The following FSTL5 variants were observed in gnomAD, a reference collection of about 807,000 sequenced individuals.
FSTL5 encodes the protein follistatin like 5, also known as follistatin-related protein 5.
Under a neutral mutation model 89.1 loss-of-function variants are expected in FSTL5, and 62 were observed. The observed-to-expected ratio is 0.70, with a 90% CI of 0.57 to 0.86. FSTL5 has a LOEUF of 0.86. FSTL5 is among the 40% of genes least tolerant of loss of function. The probability of loss-of-function intolerance (pLI) is 0.00; values close to 1 mark genes in which losing one functional copy is unlikely to be tolerated. For synonymous variants in FSTL5, 383 were observed against 346.2 expected (o/e 1.11, Z -1.18); for missense variants, 1,057 against 1,001.6 (o/e 1.06, Z -0.75).
At chr4:162,143,742 A>ACC (rs1385663064) in intron 1 of FSTL5, among the ~76,000 whole-genome samples, 1 of 24,966 alleles carries the variant, frequency 4.0e-5, no homozygotes, top group African/African-American at 1.0e-4. Flanking sequence ...ACACACACAC[A>ACC]CACACACCCA....
At chr4:161,769,196 T>A (rs551394946) in intron 5 of FSTL5, among the ~76,000 whole-genome samples, 18 of 152,080 alleles carry the variant, frequency 1.2e-4, no homozygotes, top group Admixed American at 1.2e-3. Context: ...GAAGCTGTAA[T>A]AAAAATTCCT....
intron 6 of FSTL5, among the ~76,000 whole-genome samples, chr4:161,741,698 T>TAA (rs34052963): frequency 6.9e-6 from 1 of 144,988 alleles, no homozygotes; most frequent in Non-Finnish European, 1.5e-5. Flanking sequence ...TTTTTTTTTT[T>TAA]TTTTTTGGAG....
At chr4:161,579,738 A>G (rs1733361613) in intron 8 of FSTL5, among the ~76,000 whole-genome samples, 1 of 105,180 alleles carries the variant, frequency 9.5e-6, no homozygotes, top group Non-Finnish European at 2.3e-5. Context: ...AAACAAAAAA[A>G]AAAAAAGAAA....
intron 4 of FSTL5, among the ~76,000 whole-genome samples, chr4:161,858,888 C>T (rs1171637849): frequency 6.6e-6 from 1 of 152,136 alleles, no homozygotes; most frequent in Non-Finnish European, 1.5e-5. Flanking sequence ...ATGTATCTTG[C>T]ATTCTCTGTG....
chr4:161,609,221 T>C (rs1342822937), intron 7 of FSTL5, among the ~76,000 whole-genome samples: 1 of 152,144 alleles, frequency 6.6e-6, no homozygotes, highest in Non-Finnish European at 1.5e-5. Flanking sequence ...AATTATAATG[T>C]CTTCTTGTTT....
At chr4:161,866,249 T>A (rs1660972485) in intron 4 of FSTL5, among the ~76,000 whole-genome samples, 1 of 152,194 alleles carries the variant, frequency 6.6e-6, no homozygotes, top group East Asian at 1.9e-4. Context: ...TTAATTTATT[T>A]TTATGAAACC....
chr4:162,111,502 C>A (rs1051966273), intron 1 of FSTL5, 90 bp from the exon 2 acceptor site: 1 of 989,808 alleles, frequency 1.0e-6, no homozygotes, highest in Non-Finnish European at 1.4e-6. Flanking sequence ...ACATATAAAT[C>A]TCCATTAATC....
At chr4:161,506,077 G>A (rs116506327) in intron 11 of FSTL5, among the ~76,000 whole-genome samples, 1,709 of 151,844 alleles carry the variant, frequency 0.011, 28 homozygotes, top group African/African-American at 0.038. Flanking sequence ...TATTTCTGAG[G>A]CAGGATATTG....
intron 6 of FSTL5, among the ~76,000 whole-genome samples, chr4:161,722,429 A>T (rs1333660525): frequency 6.6e-6 from 1 of 151,980 alleles, no homozygotes; most frequent in Non-Finnish European, 1.5e-5. Context: ...CACATTACTC[A>T]ATTTCAAATA....
intron 5 of FSTL5, among the ~76,000 whole-genome samples, chr4:161,765,690 A>G (rs548452926): frequency 6.6e-6 from 1 of 152,316 alleles, no homozygotes; most frequent in African/African-American, 2.4e-5. Flanking sequence ...TTTTAAGTCA[A>G]ATACGTATAA....
At chr4:161,723,095 G>A (rs553094339) in intron 6 of FSTL5, among the ~76,000 whole-genome samples, 1 of 152,222 alleles carries the variant, frequency 6.6e-6, no homozygotes, top group African/African-American at 2.4e-5. Flanking sequence ...TATAATTAAT[G>A]TGCACATTTA....
chr4:161,751,169 G>A (rs924205804), intron 6 of FSTL5, among the ~76,000 whole-genome samples: 18 of 152,170 alleles, frequency 1.2e-4, no homozygotes, highest in African/African-American at 3.9e-4. Context: ...TTACAAATGG[G>A]ACATTAAAGG....
intron 1 of FSTL5, among the ~76,000 whole-genome samples, chr4:162,144,017 A>G (rs1303080090): frequency 6.6e-6 from 1 of 152,154 alleles, no homozygotes; most frequent in Non-Finnish European, 1.5e-5. Flanking sequence ...GTGATGGCCC[A>G]AGTAAAGAGC....
At chr4:161,899,820 T>A (rs1429661252) in intron 4 of FSTL5, among the ~76,000 whole-genome samples, 1 of 152,180 alleles carries the variant, frequency 6.6e-6, no homozygotes, top group East Asian at 1.9e-4. Context: ...ACAGATTGTA[T>A]TTAGTGAACA....
At chr4:161,944,210 T>TA (rs1455339320) in intron 3 of FSTL5, among the ~76,000 whole-genome samples, 1 of 152,168 alleles carries the variant, frequency 6.6e-6, no homozygotes, top group African/African-American at 2.4e-5. Flanking sequence ...CAACATATGC[T>TA]ACTATTTTGC....
At chr4:161,706,731 C>T (rs1366536675) in intron 6 of FSTL5, among the ~76,000 whole-genome samples, 1 of 151,832 alleles carries the variant, frequency 6.6e-6, no homozygotes, top group Non-Finnish European at 1.5e-5. Context: ...AGAAAATGTA[C>T]ACAGCGACCT....
chr4:162,134,399 T>G (rs929730437), intron 1 of FSTL5, among the ~76,000 whole-genome samples: 1 of 152,228 alleles, frequency 6.6e-6, no homozygotes, highest in Non-Finnish European at 1.5e-5. Flanking sequence ...CATATTAATG[T>G]GTAATTGGTT....
rs192954931 is a variant in FSTL5, at chr4:161,676,749, A to G, written c.728-20255T>C. Among the ~76,000 whole-genome samples, 789 of 146,500 alleles carry G rather than the reference A, an allele frequency of 5.4e-3. 4 individuals carry two copies. Among genetic ancestry groups the G allele is most frequent in the Non-Finnish European group, 9.0e-3 (594 of 66,110 alleles). Reference sequence around the variant, plus strand: ...CACTATTTGGAAAATACATACACGCACACACACACACACACACACACATAC... The same window carrying G: ...CACTATTTGGAAAATACATACACGCGCACACACACACACACACACACATAC... On this transcript the variant is annotated intron_variant, in intron 6 of 15. Coordinates refer to ENST00000306100, the MANE Select transcript of FSTL5 (RefSeq NM_020116.5).
At chr4:161,697,077 A>T (rs1034779947) in intron 6 of FSTL5, among the ~76,000 whole-genome samples, 1 of 152,204 alleles carries the variant, frequency 6.6e-6, no homozygotes, top group African/African-American at 2.4e-5. Context: ...AAGAGCAAAC[A>T]AACAGCCCTG....
Sources: gnomAD v4.1 joint callset for allele counts (sites outside exome capture counted in the v4.1 genomes callset) on GRCh38, gnomAD v4.1.1 for gene constraint, MANE v1.5 for transcripts, NCBI Gene and HGNC (gene_info 2026-07-23, HGNC 2026-07-21) for gene names.